Variants in MTHFD1L observed in about 807,000 individuals in gnomAD.
The protein encoded by MTHFD1L is methylenetetrahydrofolate dehydrogenase (NADP+ dependent) 1 like.
MTHFD1L carries 81 observed loss-of-function variants against 119.5 expected under a neutral mutation model. The ratio of observed to expected loss-of-function variants is 0.68; its 90% confidence interval spans 0.57 to 0.82. The LOEUF (loss-of-function observed/expected upper bound fraction) is 0.82. MTHFD1L is among the 40% of genes least tolerant of loss of function. The pLI, the probability that MTHFD1L is intolerant of heterozygous loss-of-function variation, is 0.00. For synonymous variants in MTHFD1L, 430 were observed against 475.2 expected (o/e 0.90, Z 1.24); for missense variants, 1,125 against 1,253.4 (o/e 0.90, Z 1.55).
intron 25 of MTHFD1L, among the ~76,000 whole-genome samples, chr6:151,035,662 T>A (rs1007295290): frequency 2.6e-5 from 4 of 152,024 alleles, no homozygotes; most frequent in African/African-American, 9.7e-5. Flanking sequence ...CTCATAAGGT[T>A]GGTTTGTTTT....
Position 150,955,871 on chromosome 6 carries a change from T to C in MTHFD1L, c.1727-124T>C, listed in dbSNP as rs1583783608. On this transcript the variant is annotated intron_variant, in intron 16 of 27. Coordinates refer to ENST00000367321, the MANE Select transcript of MTHFD1L (RefSeq NM_015440.5). ...TATGTCTACCCACTAGATGGTCAGC[T>C]TGGGGGAGCCTGACCTTTTCTCTTT... 10 of 756,676 alleles carry C rather than the reference T, an allele frequency of 1.3e-5. No homozygotes were observed. In the East Asian group the frequency reaches 1.6e-4, roughly 12 times the overall value. 46.9% of individuals were successfully genotyped at this position (756,676 alleles called of 1,614,324 possible).
chr6:150,877,735 C>T (rs1463506986), intron 3 of MTHFD1L, 38 bp from the exon 4 acceptor site: 1 of 1,614,124 alleles, frequency 6.2e-7, no homozygotes. Context: ...ACAATACATT[C>T]TCTTATAGTG....
At chr6:151,100,011 G>T (rs1282389509) in intron 27 of MTHFD1L, 3 of 616,178 alleles carry the variant, frequency 4.9e-6, no homozygotes, top group South Asian at 1.8e-5. Flanking sequence ...AAAAAGAAAA[G>T]AAAGAAATAT....
intron 20 of MTHFD1L, among the ~76,000 whole-genome samples, chr6:150,974,493 CTT>C (rs1776256125): frequency 6.6e-6 from 1 of 151,962 alleles, no homozygotes; most frequent in Non-Finnish European, 1.5e-5. Flanking sequence ...TGAAGTACAC[CTT>C]CATTGTTGTG....
chr6:151,062,740 G>A (rs888938311), intron 26 of MTHFD1L, among the ~76,000 whole-genome samples: 5 of 152,190 alleles, frequency 3.3e-5, no homozygotes, highest in Non-Finnish European at 7.3e-5. Context: ...CCTGCAAACT[G>A]TAAAATGAAG....
intron 20 of MTHFD1L, among the ~76,000 whole-genome samples, chr6:150,975,637 T>C (rs1776445388): frequency 6.6e-6 from 1 of 152,212 alleles, no homozygotes; most frequent in Non-Finnish European, 1.5e-5. Context: ...TCTCCTCCCC[T>C]GTCTGGGCCT....
At position 150,918,566 on chromosome 6, in the gene MTHFD1L, A is replaced by G. The variant is rs759887280; in HGVS notation, c.893-11A>G. ...ACTGAAAGTCTTTTTTTTCCCTCCA[A>G]TTTTTTACAGGGAAGGTTGGGTGTG... On this transcript the variant is annotated splice_polypyrimidine_tract_variant and intron_variant, in intron 8 of 27. Transcript: ENST00000367321. 4.5e-5 allele frequency: 73 copies of G among 1,607,260 alleles called. No individual in the cohort carries two copies. Among genetic ancestry groups the G allele is most frequent in the South Asian group, 8.8e-5 (8 of 90,762 alleles).
At chr6:151,056,174 G>C (rs1414209631) in intron 26 of MTHFD1L, 1 of 151,986 alleles carries the variant, frequency 6.6e-6, no homozygotes, top group East Asian at 1.9e-4. Context: ...TGGACTTTCT[G>C]TCATCCGTTA....
In MTHFD1L at chr6:151,100,988, G is replaced by A. The variant is rs151165379; in HGVS notation, c.*32-538G>A. Among the ~76,000 whole-genome samples, 1,241 of 151,942 alleles carry A rather than the reference G, an allele frequency of 8.2e-3. 11 individuals are homozygous for A. Among genetic ancestry groups the A allele is most frequent in the African/African-American group, 0.028 (1,169 of 41,418 alleles). ...AGCCTGGCCAACGTGGTGAAACCTCGTCTTTACTAAAAATACAAAAATTAG... is the reference window on the plus strand; with the variant it reads ...AGCCTGGCCAACGTGGTGAAACCTCATCTTTACTAAAAATACAAAAATTAG... On this transcript the variant is annotated intron_variant, in intron 27 of 27. Transcript: ENST00000367321.
intron 20 of MTHFD1L, among the ~76,000 whole-genome samples, chr6:150,990,172 G>T (rs1260632757): frequency 2.0e-5 from 3 of 151,984 alleles, no homozygotes; most frequent in Non-Finnish European, 4.4e-5. Flanking sequence ...CCAGCTACTT[G>T]GGAGGCTGAG....
At chr6:150,890,673 G>A (rs1476046397) in intron 7 of MTHFD1L, among the ~76,000 whole-genome samples, 4 of 152,186 alleles carry the variant, frequency 2.6e-5, no homozygotes, top group Non-Finnish European at 4.4e-5. Context: ...TGGACTGAGG[G>A]CCATAAGGCA....
intron 25 of MTHFD1L, among the ~76,000 whole-genome samples, chr6:151,035,288 C>G (rs1214703416): frequency 1.3e-5 from 2 of 152,140 alleles, no homozygotes; most frequent in African/African-American, 2.4e-5. Flanking sequence ...CCGTATGCCT[C>G]GAGTGTCCCT....
In MTHFD1L at chr6:151,074,910, C is replaced by T. The variant is rs372048617; in HGVS notation, c.2848-17557C>T. Among the ~76,000 whole-genome samples, 12 of 152,228 alleles carry T rather than the reference C, an allele frequency of 7.9e-5. No individual in the cohort carries two copies. In the East Asian group the frequency reaches 1.4e-3, roughly 17 times the overall value. On this transcript the variant is annotated intron_variant, in intron 26 of 27. Coordinates refer to ENST00000367321, the MANE Select transcript of MTHFD1L (RefSeq NM_015440.5). ...AGTGATGTGTTTCTCAGAATGTACCCGTCTTTAAGCAACACAGGACTGTGC... is the reference window on the plus strand; with the variant it reads ...AGTGATGTGTTTCTCAGAATGTACCTGTCTTTAAGCAACACAGGACTGTGC...
intron 26 of MTHFD1L, among the ~76,000 whole-genome samples, chr6:151,089,218 AATGTGAAT>A (rs1794142520): frequency 1.3e-5 from 2 of 152,314 alleles, no homozygotes; most frequent in South Asian, 4.1e-4. Flanking sequence ...AGTGTGGCTA[AATGTGAAT>A]ATTCATTTCT....
chr6:151,002,686 T>C (rs1274163942), intron 20 of MTHFD1L, among the ~76,000 whole-genome samples: 2 of 152,260 alleles, frequency 1.3e-5, no homozygotes, highest in Non-Finnish European at 2.9e-5. Context: ...TTTACTGCGA[T>C]AATTCATATT....
chr6:150,972,909 G>A lies in MTHFD1L; in HGVS notation c.2125+851G>A, dbSNP rs76611258. Among the ~76,000 whole-genome samples, 10 of 152,272 alleles carry A rather than the reference G, an allele frequency of 6.6e-5. No homozygotes were observed. In the East Asian group the frequency reaches 1.9e-3, roughly 29 times the overall value. Reference sequence around the variant, plus strand: ...AACCTGTTCCTCTTTGGCTTTTCTTGCATATTCCAGCTAGAAAGAAGGGGC... The same window carrying A: ...AACCTGTTCCTCTTTGGCTTTTCTTACATATTCCAGCTAGAAAGAAGGGGC... On this transcript the variant is annotated intron_variant, in intron 20 of 27. Transcript: ENST00000367321.
intron 8 of MTHFD1L, among the ~76,000 whole-genome samples, chr6:150,909,380 A>G (rs1786482421): frequency 6.6e-6 from 1 of 152,062 alleles, no homozygotes; most frequent in Non-Finnish European, 1.5e-5. Context: ...GGGCTCCAGC[A>G]ATCCTCCCTC....
In MTHFD1L at chr6:150,893,890, C is replaced by T. The variant is rs75407319; in HGVS notation, c.780+5909C>T. 6.6e-4 allele frequency among the ~76,000 whole-genome samples: 101 copies of T among 152,270 alleles called. 1 individual carries two copies. The highest frequency in any genetic ancestry group is 2.1e-3 in the African/African-American group (87 of 41,538). On this transcript the variant is annotated intron_variant, in intron 7 of 27. Coordinates refer to ENST00000367321, the MANE Select transcript of MTHFD1L (RefSeq NM_015440.5). ...TGTTGCTGCTCTGAGCCTGTTCCCTCGCGTAGAAAGGCAATCATAATACTC... is the reference window on the plus strand; with the variant it reads ...TGTTGCTGCTCTGAGCCTGTTCCCTTGCGTAGAAAGGCAATCATAATACTC...
intron 7 of MTHFD1L, among the ~76,000 whole-genome samples, chr6:150,895,979 G>T (rs1006907393): frequency 1.2e-4 from 18 of 152,052 alleles, no homozygotes; most frequent in Admixed American, 7.2e-4. Context: ...TTATCTCAGT[G>T]GTCTTCACAC....
Sources: allele counts gnomAD v4.1 joint callset (sites outside exome capture counted in the v4.1 genomes callset), GRCh38; gene constraint gnomAD v4.1.1; transcripts MANE v1.5; gene names NCBI Gene and HGNC (gene_info 2026-07-23, HGNC 2026-07-21).